Variants in PCDHGA9 observed in about 807,000 individuals in gnomAD.
The protein encoded by PCDHGA9 is protocadherin gamma-A9.
In PCDHGA9, 37 loss-of-function variants were observed where a neutral mutation model predicts 62.5. That is an observed-to-expected ratio of 0.59 (90% CI 0.46 to 0.78). PCDHGA9 has a LOEUF of 0.78. PCDHGA9 is among the 30% of genes least tolerant of loss of function. The pLI, the probability that PCDHGA9 is intolerant of heterozygous loss-of-function variation, is 0.00. For synonymous variants in PCDHGA9, 459 were observed against 484.6 expected, an observed-to-expected ratio of 0.95 and a Z score of 0.69; for missense variants, 1,138 against 1,166.2, an observed-to-expected ratio of 0.98 and a Z score of 0.35.
At chr5:141,410,662 C>T (rs770245568) in intron 1 of PCDHGA9, 1 of 1,572,090 alleles carries the variant, frequency 6.4e-7, no homozygotes, top group Admixed American at 1.9e-5. Context: ...TAATAGTCTA[C>T]TAGTTTCTCA....
At chr5:141,455,128 T>C (rs2098813900) in intron 1 of PCDHGA9, among the ~76,000 whole-genome samples, 2 of 151,962 alleles carry the variant, frequency 1.3e-5, no homozygotes, top group Admixed American at 6.6e-5. Context: ...ATGTTTTAAA[T>C]TACACTGTGT....
intron 1 of PCDHGA9, among the ~76,000 whole-genome samples, chr5:141,481,886 C>T (rs575190135): frequency 6.9e-6 from 1 of 145,360 alleles, no homozygotes; most frequent in South Asian, 2.2e-4. Context: ...TGCACTCCAG[C>T]CTGGGTGAAA....
At chr5:141,467,767 C>T (rs72790060) in intron 1 of PCDHGA9, among the ~76,000 whole-genome samples, 25,555 of 151,632 alleles carry the variant, frequency 0.17, 2,195 homozygotes, top group South Asian at 0.22. Context: ...GCTCAAGTGC[C>T]CGCACCTCAG....
Position 141,485,844 on chromosome 5 carries a change from G to T in PCDHGA9, c.2425-8963G>T. On this transcript the variant is annotated intron_variant, in intron 1 of 3. Transcript: ENST00000573521. This position sits in a 1 kb window ranked among gnomAD's most constrained non-coding sequence, Gnocchi z 5.7. ...GATGGAGGGAACCCGCCGAGATCTG[G>T]CACCGCAGAGCTCCGGGTATCCGTG... The T allele has an allele frequency of 1.9e-6, 3 of 1,613,890 alleles. 1 individual carries two copies. The South Asian group carries it at 3.3e-5, about 18-fold the overall frequency.
chr5:141,410,598 C>T, intron 1 of PCDHGA9: 2 of 1,608,528 alleles, frequency 1.2e-6, no homozygotes, highest in Non-Finnish European at 1.7e-6. Context: ...GATTTGACTT[C>T]ACATCCTGAG....
chr5:141,422,809 G>A (rs1169197801), intron 1 of PCDHGA9: 8 of 1,614,232 alleles, frequency 5.0e-6, no homozygotes, highest in Non-Finnish European at 6.8e-6. Context: ...GCAGTTTCGA[G>A]ACTTAGAACT....
In PCDHGA9 at chr5:141,490,262, G is replaced by A; in HGVS notation, c.2425-4545G>A. 1.2e-6 allele frequency: 2 copies of A among 1,614,206 alleles called. No homozygotes were observed. Among genetic ancestry groups the A allele is most frequent in the South Asian group, 1.1e-5 (1 of 91,086 alleles). On this transcript the variant is annotated intron_variant, in intron 1 of 3. Transcript: ENST00000573521. The surrounding 1 kb of genome is among the most constrained non-coding windows in gnomAD (Gnocchi z 5.4). ...CACTGTGTGATTCAAGTGGATGTGGGGGATGTCAATGACAATGCCCCAGAG... is the reference window on the plus strand; with the variant it reads ...CACTGTGTGATTCAAGTGGATGTGGAGGATGTCAATGACAATGCCCCAGAG...
chr5:141,423,149 A>G (rs763488632), intron 1 of PCDHGA9: 2 of 1,613,554 alleles, frequency 1.2e-6, no homozygotes, highest in Non-Finnish European at 8.5e-7. Context: ...GCGCTCAAGC[A>G]GAGCCTCGTG....
intron 1 of PCDHGA9, chr5:141,423,357 C>T: frequency 6.2e-7 from 1 of 1,614,214 alleles, no homozygotes; most frequent in Non-Finnish European, 8.5e-7. Context: ...TCTTTGTCAT[C>T]GTGCTGCTGG....
At chr5:141,471,708 T>G (rs1359785951) in intron 1 of PCDHGA9, among the ~76,000 whole-genome samples, 1 of 152,138 alleles carries the variant, frequency 6.6e-6, no homozygotes, top group Non-Finnish European at 1.5e-5. Context: ...GGAATAGAAG[T>G]GCCACTTACC....
Position 141,423,964 on chromosome 5 carries a change from A to G in PCDHGA9, c.2424+18588A>G, listed in dbSNP as rs569611136. On this transcript the variant is annotated intron_variant, in intron 1 of 3. Coordinates refer to ENST00000573521, the MANE Select transcript of PCDHGA9 (RefSeq NM_018921.3). ...AGTTGAATTTTAGTATTATTTTTCT[A>G]TTATCAGTGTATGAGGCTCTCAATT... The G allele has an allele frequency of 5.2e-5, 61 of 1,163,648 alleles. 2 individuals carry two copies. In the South Asian group the frequency reaches 1.7e-3, roughly 32 times the overall value. 72.1% of individuals were successfully genotyped at this position (1,163,648 alleles called of 1,614,324 possible).
At chr5:141,510,349 C>T (rs1461596705) in intron 3 of PCDHGA9, among the ~76,000 whole-genome samples, 1 of 148,468 alleles carries the variant, frequency 6.7e-6, no homozygotes, top group Non-Finnish European at 1.5e-5. Context: ...CACACACTTA[C>T]TAACGGAACT....
In PCDHGA9 at chr5:141,414,656, C is replaced by A. The variant is rs1409573217; in HGVS notation, c.2424+9280C>A. The A allele has an allele frequency of 1.2e-5, 20 of 1,614,008 alleles. No individual in the cohort carries two copies. Among genetic ancestry groups the A allele is most frequent in the Non-Finnish European group, 1.7e-5 (20 of 1,179,888 alleles). On this transcript the variant is annotated intron_variant, in intron 1 of 3. Transcript: ENST00000573521. ...AAAGAGAATGCCCAGATTATTTACTCCCTGGCTGAAGACACCATCCAGGGG... is the reference window on the plus strand; with the variant it reads ...AAAGAGAATGCCCAGATTATTTACTACCTGGCTGAAGACACCATCCAGGGG...
rs368168278 is a variant in PCDHGA9, at chr5:141,419,810, C to T, written c.2424+14434C>T. On this transcript the variant is annotated intron_variant, in intron 1 of 3. Coordinates refer to ENST00000573521, the MANE Select transcript of PCDHGA9 (RefSeq NM_018921.3). ...GCTAGTCGCTGTAAGAGATGGAGGA[C>T]AGCCACCCCTTTCAGCCACTGCCAC... The T allele has an allele frequency of 3.1e-6, 5 of 1,613,946 alleles. No individual in the cohort carries two copies. The Admixed American group carries it at 8.3e-5, about 27-fold the overall frequency.
Position 141,476,214 on chromosome 5 carries a change from T to C in PCDHGA9, c.2425-18593T>C, listed in dbSNP as rs768153063. 1 of 1,613,974 alleles carries C rather than the reference T, an allele frequency of 6.2e-7. No homozygotes were observed. Among genetic ancestry groups the C allele is most frequent in the African/African-American group, 1.3e-5 (1 of 74,990 alleles). ...GCCTTGAACAAGGCTTCCACGGTCA[T>C]TCACTATGAGATCCCGGAGGAAAGA... On this transcript the variant is annotated intron_variant, in intron 1 of 3. Coordinates refer to ENST00000573521, the MANE Select transcript of PCDHGA9 (RefSeq NM_018921.3). The surrounding 1 kb of genome is among the most constrained non-coding windows in gnomAD (Gnocchi z 7.6).
In PCDHGA9 at chr5:141,410,110, C is replaced by G. The variant is rs1361292941; in HGVS notation, c.2424+4734C>G. The G allele has an allele frequency of 6.8e-6, 11 of 1,612,422 alleles. No homozygotes were observed. In the African/African-American group the frequency reaches 1.3e-4, roughly 20 times the overall value. ...CGGCTCGAGCCTTAGGCGACAGGGA[C>G]GCAGCCCGCCAGCGCCTGCTGGTCG... is the stretch of plus-strand genomic sequence containing the variant. On this transcript the variant is annotated intron_variant, in intron 1 of 3. Coordinates refer to ENST00000573521, the MANE Select transcript of PCDHGA9 (RefSeq NM_018921.3).
At chr5:141,414,117 A>T (rs764001135) in intron 1 of PCDHGA9, 2 of 1,592,602 alleles carry the variant, frequency 1.3e-6, no homozygotes, top group Non-Finnish European at 1.7e-6. Flanking sequence ...TAGATTATGA[A>T]GAAACCGGTT....
At chr5:141,484,968 C>A (rs2099604490) in intron 1 of PCDHGA9, 2 of 585,734 alleles carry the variant, frequency 3.4e-6, no homozygotes, top group African/African-American at 3.7e-5. Context: ...GCCCGGGAGC[C>A]GCTGTCTGCC....
At chr5:141,407,649 G>A (rs541467957) in intron 1 of PCDHGA9, among the ~76,000 whole-genome samples, 1 of 152,050 alleles carries the variant, frequency 6.6e-6, no homozygotes, top group East Asian at 1.9e-4. Flanking sequence ...AAAATAATGG[G>A]GGAGCGCAGT....
Sources: gnomAD v4.1 joint callset for allele counts (sites outside exome capture counted in the v4.1 genomes callset) on GRCh38, gnomAD v4.1.1 for gene constraint, Gnocchi (gnomAD v3.1) non-coding constraint, MANE v1.5 for transcripts, NCBI Gene and HGNC (gene_info 2026-07-23, HGNC 2026-07-21) for gene names.